The following WDR91 variants were observed in gnomAD, a reference collection of about 807,000 sequenced individuals.
The protein encoded by WDR91 is WD repeat-containing protein 91.
Under a neutral mutation model 88.4 loss-of-function variants are expected in WDR91, and 52 were observed. That is an observed-to-expected ratio of 0.59 (90% CI 0.47 to 0.74). The LOEUF is 0.74. WDR91 is among the 30% of genes least tolerant of loss of function. WDR91 has a pLI of 0.00. For missense variants in WDR91, 824 were observed against 954.5 expected (o/e 0.86, Z 1.80); for synonymous variants, 362 against 389.5 (o/e 0.93, Z 0.83).
rs761794734 is a variant in WDR91 at position 135,204,337 on chromosome 7, T to G, written c.822A>C (p.Ser274=). ...GAGGGCCCTGAGCAGGCGACAACCTTGAGGGGCTCTTCTTACTCTGAGGCA... is the reference window on the plus strand; with the variant it reads ...GAGGGCCCTGAGCAGGCGACAACCTGGAGGGGCTCTTCTTACTCTGAGGCA... ...SLLPQSKKSP[S]RLSPAQGPPQ... is the part of the protein sequence containing the mutation. Residue 274 remains serine (S), a synonymous_variant, in exon 6 of 15, where the codon TCA becomes TCC. Transcript: ENST00000354475. 1 of 1,614,052 alleles carries G rather than the reference T, an allele frequency of 6.2e-7. No individual in the cohort carries two copies. Among genetic ancestry groups the G allele is most frequent in the East Asian group, 2.2e-5 (1 of 44,880 alleles).
Position 135,196,070 on chromosome 7 carries a change from C to A in WDR91, c.1244+74G>T. 1 of 1,383,598 alleles carries A rather than the reference C, an allele frequency of 7.2e-7. No individual in the cohort carries two copies. The allele number at this position is 1,383,598 out of a possible 1,614,324, so 85.7% of individuals were successfully genotyped here. A position where few individuals can be genotyped will look rare whatever the true frequency, so the allele number is the denominator to read the frequency against. Reference sequence around the variant, plus strand: ...AGCCCCCATTCTCCGCCATCTCCTGCTGGCCACACCTCCACGTGTACTGCC... The same window carrying A: ...AGCCCCCATTCTCCGCCATCTCCTGATGGCCACACCTCCACGTGTACTGCC... On this transcript the variant is annotated intron_variant, in intron 8 of 14. Coordinates refer to ENST00000354475, the MANE Select transcript of WDR91 (RefSeq NM_014149.4). The surrounding 1 kb of genome is among the most constrained non-coding windows in gnomAD (Gnocchi z 4.2).
At chr7:135,193,070 C>G in intron 11 of WDR91, 161 bp downstream of exon 11, 1 of 1,070,990 alleles carries the variant, frequency 9.3e-7, no homozygotes, top group East Asian at 2.6e-5. Flanking sequence ...TGACATGTCA[C>G]TAACAATCTG....
intron 6 of WDR91, chr7:135,202,146 T>C (rs544261607): frequency 1.1e-4 from 17 of 152,370 alleles, no homozygotes; most frequent in Admixed American, 7.8e-4. Flanking sequence ...CTTTCTAACA[T>C]GCATATGTTC....
intron 13 of WDR91, among the ~76,000 whole-genome samples, chr7:135,188,225 C>A (rs1831025736): frequency 6.6e-6 from 1 of 152,188 alleles, no homozygotes. Context: ...TTTGGTACTT[C>A]CTTTCATAAG....
chr7:135,187,246 C>A, intron 13 of WDR91, 77 bp from the exon 14 acceptor site: 1 of 1,511,988 alleles, frequency 6.6e-7, no homozygotes, highest in Non-Finnish European at 9.1e-7. Context: ...CCAGGACCCA[C>A]CCCACAGCAG....
chr7:135,191,245 G>T (rs898844661), intron 11 of WDR91, among the ~76,000 whole-genome samples: 15 of 152,154 alleles, frequency 9.9e-5, no homozygotes, highest in Non-Finnish European at 1.8e-4. Flanking sequence ...TATGGAGTCA[G>T]AAAACCTGCA....
chr7:135,193,331 G>C lies in WDR91; in HGVS notation c.1559C>G (p.Thr520Ser). 6.2e-7 allele frequency: 1 copy of C among 1,614,236 alleles called. No homozygotes were observed. Among genetic ancestry groups the C allele is most frequent in the Non-Finnish European group, 8.5e-7 (1 of 1,180,048 alleles). The change falls in exon 11 of 15, where the codon ACT becomes AGT. Residue 520 changes from threonine (T) to serine (S), a missense_variant. Thr to Ser is a moderately conservative substitution (Grantham distance 58). Transcript: ENST00000354475. Reference sequence around the variant, plus strand: ...TGGTGCTGAGAAGTCCACCTGGGAAGTGAGGCTCGGAGCTGCTGCCGAACA... The same window carrying C: ...TGGTGCTGAGAAGTCCACCTGGGAACTGAGGCTCGGAGCTGCTGCCGAACA... ...FVCSAAAPSL[T>S]SQVDFSAPDI...
In WDR91 at chr7:135,184,282, A is replaced by G. The variant is rs1830858153; in HGVS notation, c.*1869T>C. On this transcript the variant is annotated 3_prime_UTR_variant, in exon 15 of 15. Transcript: ENST00000354475. The stretch of plus-strand genomic sequence containing the variant: ...TACTTTTCCCTCAACTCCCAGAACA[A>G]AGCCAAGACTTTGGTACCAATTTCT... 1 of 152,142 alleles carries G rather than the reference A, an allele frequency of 6.6e-6. No individual in the cohort carries two copies. 9.4% of individuals were successfully genotyped at this position (152,142 alleles called of 1,614,324 possible).
rs186391437 is a variant in WDR91, at chr7:135,186,314, A to C, written c.2081T>G (p.Leu694Arg). The change falls in exon 15 of 15, where the codon CTG (leucine) becomes CGG (arginine). Residue 694 changes from leucine to arginine, a missense_variant and splice_region_variant. By Grantham distance (102) the Leu-to-Arg change is moderately radical. Transcript: ENST00000354475. ...CTCCAGAACCTTCTCATCGCCACCC[A>C]GCTGCAAGAGGACAGGAAAGAGGAG... ...CSATGGVIYK[L>R]GGDEKVLESC... The C allele has an allele frequency of 1.2e-6, 2 of 1,611,404 alleles. No individual in the cohort carries two copies. The highest frequency in any genetic ancestry group is 3.4e-5 in the Admixed American group (2 of 59,514).
intron 3 of WDR91, 49 bp downstream of exon 3, chr7:135,208,742 T>C (rs745541732): frequency 8.0e-6 from 12 of 1,501,868 alleles, no homozygotes; most frequent in Non-Finnish European, 1.1e-5. Context: ...GATCCTGAGG[T>C]CTGGGTGCCT....
Position 135,196,050 on chromosome 7 carries a change from C to T in WDR91, c.1244+94G>A, listed in dbSNP as rs780986169. On this transcript the variant is annotated intron_variant, in intron 8 of 14. Coordinates refer to ENST00000354475, the MANE Select transcript of WDR91 (RefSeq NM_014149.4). The surrounding 1 kb of genome is among the most constrained non-coding windows in gnomAD (Gnocchi z 4.2). ...ATGACTGTGGCCCTCGTCCAAGCCC[C>T]CATTCTCCGCCATCTCCTGCTGGCC... 3.0e-4 allele frequency: 378 copies of T among 1,278,656 alleles called. No individual in the cohort carries two copies. The highest frequency in any genetic ancestry group is 3.7e-4 in the Non-Finnish European group (347 of 949,350). 79.2% of individuals were successfully genotyped at this position (1,278,656 alleles called of 1,614,324 possible).
At chr7:135,191,816 G>T (rs1831176428) in intron 11 of WDR91, among the ~76,000 whole-genome samples, 1 of 152,092 alleles carries the variant, frequency 6.6e-6, no homozygotes, top group South Asian at 2.1e-4. Flanking sequence ...ATATGCTTTT[G>T]TATGTATTCA....
intron 6 of WDR91, among the ~76,000 whole-genome samples, chr7:135,200,719 C>T (rs559475456): frequency 2.6e-5 from 4 of 152,326 alleles, no homozygotes; most frequent in East Asian, 3.9e-4. Flanking sequence ...TCATAATCTA[C>T]CTGACTGCTA....
At chr7:135,206,147 C>A in intron 4 of WDR91, 89 bp from the exon 5 acceptor site, 3 of 1,565,628 alleles carry the variant, frequency 1.9e-6, no homozygotes, top group Non-Finnish European at 8.8e-7. Context: ...CATCCAAGCC[C>A]ACTGGTCTGA....
At chr7:135,207,548 G>C (rs1831842803) in intron 3 of WDR91, among the ~76,000 whole-genome samples, 1 of 152,236 alleles carries the variant, frequency 6.6e-6, no homozygotes, top group African/African-American at 2.4e-5. Flanking sequence ...GAGCTTTAGT[G>C]AGGTCACTAC....
chr7:135,199,107 A>C (rs767375728), intron 6 of WDR91: 3 of 152,264 alleles, frequency 2.0e-5, no homozygotes, highest in Non-Finnish European at 4.4e-5. Flanking sequence ...ACTCAACCAA[A>C]GTCTACCTGC....
chr7:135,202,420 C>A (rs1016998777), intron 6 of WDR91: 10 of 152,362 alleles, frequency 6.6e-5, no homozygotes, highest in African/African-American at 2.4e-4. Context: ...TGAGGAACTA[C>A]AAACTGCTCT....
At chr7:135,211,516 TCTTTAGGGGTGGTGCGGTGAG>T in exon 1 of WDR91, 1 of 1,607,130 alleles carries the variant, frequency 6.2e-7, no homozygotes, top group Non-Finnish European at 8.5e-7. Flanking sequence ...AGCGCTAGCG[TCTTTAGGGGTGGTGCGGTGAG>T]GGACGGAGGG....
In WDR91 at chr7:135,193,227, G is replaced by A. The variant is rs1490883406; in HGVS notation, c.1659+4C>T. ...CCAGAGAGAGCCACAGGGCAGGCCC[G>A]TACCTGCTGCTTCATGGTTTTCGTG... On this transcript the variant is annotated splice_donor_region_variant and intron_variant, in intron 11 of 14. Coordinates refer to ENST00000354475, the MANE Select transcript of WDR91 (RefSeq NM_014149.4). The A allele has an allele frequency of 8.7e-6, 14 of 1,613,248 alleles. No homozygotes were observed. The highest frequency in any genetic ancestry group is 4.5e-5 in the East Asian group (2 of 44,896).
Sources: gnomAD v4.1 joint callset for allele counts (sites outside exome capture counted in the v4.1 genomes callset) on GRCh38, gnomAD v4.1.1 for gene constraint, Gnocchi (gnomAD v3.1) non-coding constraint, MANE v1.5 for transcripts, NCBI Gene and HGNC (gene_info 2026-07-23, HGNC 2026-07-21) for gene names.